Variants in RFPL1 observed in about 807,000 individuals in gnomAD.
RFPL1 encodes ret finger protein like 1, also known as ret finger protein-like 1.
RFPL1 carries 6 observed loss-of-function variants against 9.6 expected under a neutral mutation model. The ratio of observed to expected loss-of-function variants is 0.62; its 90% confidence interval spans 0.34 to 1.23. The LOEUF (loss-of-function observed/expected upper bound fraction) is 1.23, where lower values mean the gene tolerates loss of function less well. RFPL1 is among the 50% of genes most tolerant of loss of function. The pLI is 0.03. For synonymous variants in RFPL1, 145 were observed against 149.4 expected, an observed-to-expected ratio of 0.97 and a Z score of 0.22; for missense variants, 352 against 398.4, an observed-to-expected ratio of 0.88 and a Z score of 0.99.
At chr22:29,412,617 G>A in the RFPL1 span, among the ~76,000 whole-genome samples, 10 of 152,172 alleles carry the variant, frequency 6.6e-5, no homozygotes, top group African/African-American at 1.7e-4. Context: ...GGCAGTGACT[G>A]TCTCTTCCTC....
chr22:29,399,465 T>A, the RFPL1 span, among the ~76,000 whole-genome samples: 1 of 152,232 alleles, frequency 6.6e-6, no homozygotes, highest in African/African-American at 2.4e-5. Flanking sequence ...TCTAATGACA[T>A]TCCTGGGACC....
chr22:29,438,494 A>C, upstream of RFPL1: 1 of 882,572 alleles, frequency 1.1e-6, no homozygotes, highest in South Asian at 2.5e-5. Context: ...CCCAGCCCCT[A>C]ATTCTTATGT....
At chr22:29,400,050 C>T in the RFPL1 span, among the ~76,000 whole-genome samples, 1 of 145,696 alleles carries the variant, frequency 6.9e-6, no homozygotes, top group Non-Finnish European at 1.5e-5. Context: ...GGCTGGAGTG[C>T]AGTGGCGCGA....
chr22:29,406,662 G>A, the RFPL1 span, among the ~76,000 whole-genome samples: 2 of 152,168 alleles, frequency 1.3e-5, no homozygotes, highest in Admixed American at 1.3e-4. Flanking sequence ...AAAAGCAGAC[G>A]GTGCAAACCG....
chr22:29,421,491 C>T, the RFPL1 span, among the ~76,000 whole-genome samples: 1 of 149,666 alleles, frequency 6.7e-6, no homozygotes, highest in African/African-American at 2.4e-5. Context: ...CTACGTTCAC[C>T]CTGTGGCTCA....
At chr22:29,399,158 T>A in the RFPL1 span, among the ~76,000 whole-genome samples, 1 of 152,230 alleles carries the variant, frequency 6.6e-6, no homozygotes, top group Non-Finnish European at 1.5e-5. Context: ...TTGATTAATT[T>A]AAGTCACATT....
At chr22:29,429,842 C>A in the RFPL1 span, among the ~76,000 whole-genome samples, 1 of 152,148 alleles carries the variant, frequency 6.6e-6, no homozygotes, top group East Asian at 1.9e-4. Context: ...AGAGAACAAC[C>A]TGAAAATGGT....
chr22:29,425,611 G>GA, the RFPL1 span, among the ~76,000 whole-genome samples: 18 of 151,920 alleles, frequency 1.2e-4, no homozygotes, highest in African/African-American at 3.4e-4. Flanking sequence ...TCAAACTAGT[G>GA]AAAAAAAATG....
the RFPL1 span, among the ~76,000 whole-genome samples, chr22:29,420,882 C>G: frequency 1.3e-5 from 2 of 151,774 alleles, no homozygotes; most frequent in Non-Finnish European, 2.9e-5. Context: ...CTCAGGTGAT[C>G]CACCTGCCTT....
At chr22:29,389,608 C>T in the RFPL1 span, among the ~76,000 whole-genome samples, 23,989 of 147,562 alleles carry the variant, frequency 0.16, 2,178 homozygotes, top group Non-Finnish European at 0.21. Flanking sequence ...ATGGCGTGAA[C>T]CCGGGAGGCA....
At position 29,442,152 on chromosome 22, in the gene RFPL1, T is replaced by G. The variant is rs199915184; in HGVS notation, c.*30T>G. 2.8e-4 allele frequency: 421 copies of G among 1,483,696 alleles called. 3 individuals carry two copies. The highest frequency in any genetic ancestry group is 6.2e-5 in the Non-Finnish European group (69 of 1,107,328). 91.9% of individuals were successfully genotyped at this position (1,483,696 alleles called of 1,614,324 possible). A position where few individuals can be genotyped will look rare whatever the true frequency, so the allele number is the denominator to read the frequency against. On this transcript the variant is annotated 3_prime_UTR_variant, in exon 2 of 2. Coordinates refer to ENST00000354373, the Ensembl canonical transcript of RFPL1. Reference sequence around the variant, plus strand: ...CCACTGCAAAAAAACAAAAAACAGGTTAAGAAAATTACTTGGGTGGGCAGA... The same window carrying G: ...CCACTGCAAAAAAACAAAAAACAGGGTAAGAAAATTACTTGGGTGGGCAGA...
At chr22:29,441,582 C>T (rs1247716726) in exon 2 of RFPL1, 3 of 1,613,672 alleles carry the variant, frequency 1.9e-6, no homozygotes, top group Non-Finnish European at 2.5e-6. Flanking sequence ...ACAACTTCCT[C>T]CTCATTTCTG....
the RFPL1 span, among the ~76,000 whole-genome samples, chr22:29,417,730 A>AC: frequency 3.7e-4 from 56 of 151,884 alleles, no homozygotes; most frequent in Non-Finnish European, 5.9e-4. Flanking sequence ...ACTCTCAAAT[A>AC]CTGTGCAAAT....
In RFPL1 at chr22:29,439,173, T is replaced by A; in HGVS notation, c.373+9T>A. ...GATGCGGAAGTTCCAAGGTGAGGGA[T>A]CTGTATACACTGCCCCCTTCCTACG... On this transcript the variant is annotated intron_variant, in intron 1 of 1. Coordinates refer to ENST00000354373, the Ensembl canonical transcript of RFPL1. The A allele has an allele frequency of 6.2e-7, 1 of 1,612,938 alleles. No homozygotes were observed. The highest frequency in any genetic ancestry group is 1.1e-5 in the South Asian group (1 of 90,966).
chr22:29,387,996 G>A, the RFPL1 span, among the ~76,000 whole-genome samples: 1 of 152,190 alleles, frequency 6.6e-6, no homozygotes, highest in African/African-American at 2.4e-5. Context: ...GGAGGCGGGC[G>A]GCACGGGACC....
chr22:29,420,930 C>T, the RFPL1 span, among the ~76,000 whole-genome samples: 1,022 of 152,164 alleles, frequency 6.7e-3, 9 homozygotes, highest in African/African-American at 0.023. Flanking sequence ...CGTGATCCAC[C>T]GTGCCCAGCC....
upstream of RFPL1, chr22:29,438,433 T>A: frequency 3.4e-6 from 1 of 296,730 alleles, no homozygotes; most frequent in Non-Finnish European, 5.9e-6. Context: ...TCCACTCACG[T>A]CAGCCTCCCA....
the RFPL1 span, among the ~76,000 whole-genome samples, chr22:29,414,014 T>C: frequency 3.9e-5 from 6 of 152,364 alleles, no homozygotes; most frequent in Non-Finnish European, 7.3e-5. Flanking sequence ...GTTTCTTCAA[T>C]AGTTTTACAT....
At chr22:29,435,439 T>C (rs2062804062), upstream of RFPL1, among the ~76,000 whole-genome samples, 1 of 152,252 alleles carries the variant, frequency 6.6e-6, no homozygotes, top group South Asian at 2.1e-4. Context: ...AGCCTGGTTT[T>C]GGCAGAAAGT....
Sources: gnomAD v4.1 joint callset for allele counts (sites outside exome capture counted in the v4.1 genomes callset) on GRCh38, gnomAD v4.1.1 for gene constraint, MANE v1.5 for transcripts, NCBI Gene and HGNC (gene_info 2026-07-23, HGNC 2026-07-21) for gene names.